Variants in GXYLT2 observed in about 807,000 individuals in gnomAD.
The protein encoded by GXYLT2 is glucoside xylosyltransferase 2, also known as glycosyltransferase 8 domain containing 4.
In GXYLT2, 53 loss-of-function variants were observed where a neutral mutation model predicts 45.8. The observed-to-expected ratio is 1.16, with a 90% CI of 0.93 to 1.46. The LOEUF (loss-of-function observed/expected upper bound fraction) is 1.46. Among genes scored for constraint, GXYLT2 ranks in the 40% most tolerant of loss-of-function variants. GXYLT2 has a pLI of 0.00. For missense variants in GXYLT2, 551 were observed against 544.4 expected (o/e 1.01, Z -0.12); for synonymous variants, 219 against 214.2 (o/e 1.02, Z -0.19).
intron 2 of GXYLT2, among the ~76,000 whole-genome samples, chr3:72,909,998 A>G (rs1013072458): frequency 8.5e-5 from 13 of 152,188 alleles, no homozygotes; most frequent in African/African-American, 2.9e-4. Flanking sequence ...AAGAGAAACC[A>G]TGGAGGAAAT....
chr3:72,895,936 A>G (rs1709283344), intron 1 of GXYLT2, among the ~76,000 whole-genome samples: 1 of 152,218 alleles, frequency 6.6e-6, no homozygotes, highest in South Asian at 2.1e-4. Context: ...ACATAAGACA[A>G]TAGAGAATAC....
chr3:72,920,173 C>CT (rs1167514338), intron 2 of GXYLT2, among the ~76,000 whole-genome samples: 1 of 151,890 alleles, frequency 6.6e-6, no homozygotes, highest in African/African-American at 2.4e-5. Context: ...CTCACTCTGT[C>CT]ACCCAGGCTG....
intron 3 of GXYLT2, among the ~76,000 whole-genome samples, chr3:72,931,619 A>G (rs1015767416): frequency 6.6e-6 from 1 of 152,150 alleles, no homozygotes; most frequent in African/African-American, 2.4e-5. Context: ...ACATACCAGT[A>G]CTTATGGCAG....
intron 5 of GXYLT2, among the ~76,000 whole-genome samples, chr3:72,966,669 G>C (rs1179697174): frequency 6.8e-6 from 1 of 148,044 alleles, no homozygotes; most frequent in Non-Finnish European, 1.5e-5. Context: ...TTATTTTGTT[G>C]CTCAGGGTGG....
At chr3:72,958,272 CAAAAA>C (rs59128233) in intron 5 of GXYLT2, among the ~76,000 whole-genome samples, 1 of 127,412 alleles carries the variant, frequency 7.8e-6, no homozygotes, top group South Asian at 2.5e-4. Flanking sequence ...GACTCTGTCT[CAAAAA>C]AAAAAAAAAA....
intron 1 of GXYLT2, among the ~76,000 whole-genome samples, chr3:72,903,013 A>AAAAAC (rs956513521): frequency 2.4e-4 from 37 of 152,222 alleles, no homozygotes; most frequent in Non-Finnish European, 4.3e-4. Context: ...CTCCGTCTCA[A>AAAAAC]AAAACAAAAC....
At chr3:72,971,005 C>T (rs895813891) in intron 6 of GXYLT2, among the ~76,000 whole-genome samples, 1 of 152,190 alleles carries the variant, frequency 6.6e-6, no homozygotes, top group African/African-American at 2.4e-5. Flanking sequence ...TTGTTCTGTG[C>T]TTAATGATAT....
chr3:72,941,528 C>A (rs1710298088), intron 3 of GXYLT2, among the ~76,000 whole-genome samples: 1 of 152,186 alleles, frequency 6.6e-6, no homozygotes, highest in South Asian at 2.1e-4. Context: ...AATAACCTGG[C>A]CATTCTACGC....
intron 5 of GXYLT2, among the ~76,000 whole-genome samples, chr3:72,961,476 G>C (rs573256275): frequency 1.4e-4 from 21 of 152,080 alleles, no homozygotes; most frequent in Non-Finnish European, 2.5e-4. Flanking sequence ...TCATCTCTCA[G>C]AGGCCTCATG....
In GXYLT2 at chr3:72,920,228, G is replaced by A. The variant is rs115660234; in HGVS notation, c.469-1976G>A. Among the ~76,000 whole-genome samples the A allele has an allele frequency of 7.1e-3, 1,075 of 152,094 alleles. 23 individuals carry two copies. Among genetic ancestry groups the A allele is most frequent in the African/African-American group, 0.024 (1,010 of 41,484 alleles). On this transcript the variant is annotated intron_variant, in intron 2 of 6. Transcript: ENST00000389617. ...TGGCTCACTGCAGCCTCCGCCTTCC[G>A]AGTTGATGTGATTCTCCTGCCTCAG...
intron 3 of GXYLT2, among the ~76,000 whole-genome samples, chr3:72,938,660 C>T (rs955482116): frequency 6.6e-6 from 1 of 152,102 alleles, no homozygotes; most frequent in Non-Finnish European, 1.5e-5. Context: ...AGGAAGCAAG[C>T]CAAAAGCAAG....
chr3:72,967,646 TG>T lies in GXYLT2; in HGVS notation c.1077del (p.His360MetfsTer41). ...REAEHEGVSV[L>X]HGNRGVYHDD... ...GCTGAGCATGAAGGTGTGTCTGTTCTGCATGGAAACCGAGGCGTCTACCATG... is the reference window on the plus strand; with the variant it reads ...GCTGAGCATGAAGGTGTGTCTGTTCTCATGGAAACCGAGGCGTCTACCATG... On this transcript the variant is annotated frameshift_variant, in exon 6 of 7. Coordinates refer to ENST00000389617, the MANE Select transcript of GXYLT2 (RefSeq NM_001080393.2). LOFTEE classifies it high-confidence loss of function. The T allele has an allele frequency of 6.2e-7, 1 of 1,613,984 alleles. No homozygotes were observed. Among genetic ancestry groups the T allele is most frequent in the Non-Finnish European group, 8.5e-7 (1 of 1,179,866 alleles).
intron 3 of GXYLT2, among the ~76,000 whole-genome samples, chr3:72,931,278 A>C (rs1373419742): frequency 6.6e-6 from 1 of 151,432 alleles, no homozygotes; most frequent in Non-Finnish European, 1.5e-5. Flanking sequence ...CCCAGGCTGG[A>C]GTGCAGTGGC....
chr3:72,940,970 G>A (rs540750312), intron 3 of GXYLT2, among the ~76,000 whole-genome samples: 3 of 152,190 alleles, frequency 2.0e-5, no homozygotes, highest in Admixed American at 6.5e-5. Flanking sequence ...ATGAGCCACC[G>A]CACTGGCCCA....
At chr3:72,945,294 TA>T (rs1405489578) in intron 3 of GXYLT2, among the ~76,000 whole-genome samples, 2 of 47,998 alleles carry the variant, frequency 4.2e-5, no homozygotes, top group Admixed American at 2.3e-4. Context: ...TCTCAAAAAA[TA>T]AAAAAATAAA....
At chr3:72,962,651 T>A (rs913005829) in intron 5 of GXYLT2, among the ~76,000 whole-genome samples, 4 of 152,182 alleles carry the variant, frequency 2.6e-5, no homozygotes, top group African/African-American at 7.2e-5. Flanking sequence ...CCCAGGAATA[T>A]GGCAACAGAT....
Position 72,965,461 on chromosome 3 carries a change from G to A in GXYLT2, c.977-2086G>A, listed in dbSNP as rs143787490. On this transcript the variant is annotated intron_variant, in intron 5 of 6. Transcript: ENST00000389617. ...AATCCTCTCTTGTGCTCTCTCACAG[G>A]GTCTTTCTCATGATCAGCAACACAC... Among the ~76,000 whole-genome samples, 150 of 152,200 alleles carry A rather than the reference G, an allele frequency of 9.9e-4. 2 individuals carry two copies. In the East Asian group the frequency reaches 0.028, roughly 28 times the overall value.
chr3:72,941,308 AT>A (rs1438043228), intron 3 of GXYLT2, among the ~76,000 whole-genome samples: 1 of 152,196 alleles, frequency 6.6e-6, no homozygotes, highest in African/African-American at 2.4e-5. Flanking sequence ...CATCAGATGG[AT>A]TCTGGCCCAG....
chr3:72,899,935 G>A (rs1709370485), intron 1 of GXYLT2, among the ~76,000 whole-genome samples: 1 of 152,086 alleles, frequency 6.6e-6, no homozygotes, highest in Non-Finnish European at 1.5e-5. Flanking sequence ...CAACAGCATG[G>A]GTTAGGGCTG....
Sources: allele counts gnomAD v4.1 joint callset (sites outside exome capture counted in the v4.1 genomes callset), GRCh38; gene constraint gnomAD v4.1.1; transcripts MANE v1.5; gene names NCBI Gene and HGNC (gene_info 2026-07-23, HGNC 2026-07-21).